Variants in ELN observed in about 807,000 individuals in gnomAD.
The protein encoded by ELN is tropoelastin.
A neutral mutation model predicts 105.8 loss-of-function variants in ELN; 65 were observed. That is an observed-to-expected ratio of 0.61 (90% confidence interval 0.50 to 0.75). The LOEUF is 0.75. Ranked by LOEUF, ELN falls within the 30% of genes least tolerant of loss-of-function variation. ELN has a pLI of 0.00. For synonymous variants in ELN, 368 were observed against 389.2 expected (o/e 0.95, Z 0.64); for missense variants, 882 against 969.4 (o/e 0.91, Z 1.20).
In ELN at chr7:74,028,179, C is replaced by CT. The variant is rs1563737125; in HGVS notation, c.-8dup. 6.2e-7 allele frequency: 1 copy of CT among 1,604,562 alleles called. No homozygotes were observed. The highest frequency in any genetic ancestry group is 1.3e-5 in the African/African-American group (1 of 74,408). ...GTGCGGAGAGCGGGCTGGGGCATTT[C>CT]TCCCCGAGATGGCGGGTCTGACGGC... On this transcript the variant is annotated 5_prime_UTR_variant, in exon 1 of 33. Transcript: ENST00000252034.
chr7:74,029,415 G>C (rs552153030), intron 1 of ELN, among the ~76,000 whole-genome samples: 2 of 152,158 alleles, frequency 1.3e-5, no homozygotes, highest in African/African-American at 4.8e-5. Flanking sequence ...CGCGGCCAAC[G>C]GGGGAGGACA....
At chr7:74,067,594 C>A (rs184014645) in intron 32 of ELN, among the ~76,000 whole-genome samples, 1 of 151,532 alleles carries the variant, frequency 6.6e-6, no homozygotes, top group Non-Finnish European at 1.5e-5. Flanking sequence ...AAAAATTAGC[C>A]GGGCATGGTG....
At chr7:74,056,476 A>T (rs782811113) in intron 20 of ELN, 41 bp downstream of exon 20, 4 of 1,611,688 alleles carry the variant, frequency 2.5e-6, no homozygotes, top group Middle Eastern at 3.3e-4. Flanking sequence ...TTGAGAAGGG[A>T]TGGGGGCTTC....
rs1791092300 is a variant in ELN, at chr7:74,041,086, C to T, written c.197-130C>T. ...CTATTTTATCAGGATCGACCCTGAG[C>T]ATCACAGGCTTAGGGACCAGCCTAG... On this transcript the variant is annotated intron_variant, in intron 4 of 32. Transcript: ENST00000252034. 5.3e-6 allele frequency: 6 copies of T among 1,142,716 alleles called. No individual in the cohort carries two copies. In the South Asian group the frequency reaches 7.4e-5, roughly 14 times the overall value. The allele number at this position is 1,142,716 out of a possible 1,614,324, so 70.8% of individuals were successfully genotyped here. A position where few individuals can be genotyped will look rare whatever the true frequency, so the allele number is the denominator to read the frequency against.
Position 74,063,265 on chromosome 7 carries a change from C to A in ELN, c.1858+41C>A, listed in dbSNP as rs782274948. 6.3e-7 allele frequency: 1 copy of A among 1,586,718 alleles called. No individual in the cohort carries two copies. The highest frequency in any genetic ancestry group is 1.2e-5 in the South Asian group (1 of 86,662). On this transcript the variant is annotated intron_variant, in intron 27 of 32. Coordinates refer to ENST00000252034, the MANE Select transcript of ELN (RefSeq NM_000501.4). This position sits in a 1 kb window ranked among gnomAD's most constrained non-coding sequence, Gnocchi z 4.1. ...AGGAGGGGCAGGGTGGGGAGGGAAT[C>A]TAACCAGTACAGAGTGCCTCCCTGA...
Position 74,054,749 on chromosome 7 carries a change from C to T in ELN, c.1130C>T (p.Ala377Val). Reference protein sequence around the residue: ...VVSPEAAAKAAAKAAKYGARP... With the variant: ...VVSPEAAAKAVAKAAKYGARP... ...TCACCAGAAGCAGCTGCTAAGGCAG[C>T]TGCAAAGGCAGCCAAATACGGTGAG... The change falls in exon 19 of 33, where the codon GCT (alanine) becomes GTT (valine). Residue 377 changes from alanine to valine, a missense_variant. Physicochemically the swap from Ala to Val is moderately conservative, Grantham distance 64 (BLOSUM62 0). Transcript: ENST00000252034. 6.2e-7 allele frequency: 1 copy of T among 1,614,198 alleles called. No homozygotes were observed. The highest frequency in any genetic ancestry group is 8.5e-7 in the Non-Finnish European group (1 of 1,180,038).
Position 74,051,927 on chromosome 7 carries a change from T to C in ELN, c.893T>C (p.Val298Ala), listed in dbSNP as rs782205353. 3 of 1,613,872 alleles carry C rather than the reference T, an allele frequency of 1.9e-6. No homozygotes were observed. The highest frequency in any genetic ancestry group is 2.2e-5 in the East Asian group (1 of 44,854). The part of the protein sequence containing the change: ...AIPGIGGIAG[V>A]GTPAAAAAAA... ...CCCTCTGTGGCTGTGTTTTCAGGCG[T>C]TGGGACTCCAGCTGCAGCTGCAGCT... The change falls in exon 17 of 33, where the codon GTT (valine) becomes GCT (alanine). Residue 298 changes from valine to alanine, a missense_variant. Coordinates refer to ENST00000252034, the MANE Select transcript of ELN (RefSeq NM_000501.4).
intron 8 of ELN, 90 bp from the exon 9 acceptor site, chr7:74,043,789 G>T: frequency 6.5e-7 from 1 of 1,545,426 alleles, no homozygotes. Flanking sequence ...GTGGGTTTGA[G>T]GGCCTTGGAG....
At chr7:74,059,808 G>A (rs1035493130) in intron 22 of ELN, 78 bp from the exon 23 acceptor site, 1 of 828,232 alleles carries the variant, frequency 1.2e-6, no homozygotes, top group Admixed American at 1.7e-5. Context: ...CAGGGCCGAG[G>A]CTCCAGCCCT....
chr7:74,037,377 A>T (rs1554666364), intron 3 of ELN, among the ~76,000 whole-genome samples: 1 of 151,560 alleles, frequency 6.6e-6, no homozygotes, highest in East Asian at 1.9e-4. Flanking sequence ...TATTTTTAGT[A>T]GAGACAGGGT....
At position 74,068,748 on chromosome 7, in the gene ELN, G is replaced by A. The variant is rs782169905; in HGVS notation, c.*48G>A. 105 of 1,606,874 alleles carry A rather than the reference G, an allele frequency of 6.5e-5. No individual in the cohort carries two copies. The highest frequency in any genetic ancestry group is 8.1e-5 in the Non-Finnish European group (95 of 1,173,700). On this transcript the variant is annotated 3_prime_UTR_variant, in exon 33 of 33. Coordinates refer to ENST00000252034, the MANE Select transcript of ELN (RefSeq NM_000501.4). ...CGACCTCATCAACGTTGGTGCTACTGCTTGGTGGAGAATGTAAACCCTTTG... is the reference window on the plus strand; with the variant it reads ...CGACCTCATCAACGTTGGTGCTACTACTTGGTGGAGAATGTAAACCCTTTG...
In ELN at chr7:74,053,301, C is replaced by A. The variant is rs571843793; in HGVS notation, c.1088C>A (p.Ala363Glu). ...CCAGGTGCTGGGATCCCAGGTGCTG[C>A]GGTTCCAGGTGAGCTGGGCTGTGTG... Reference protein sequence around the residue: ...VVPGAGIPGAAVPGVVSPEAA... With the variant: ...VVPGAGIPGAEVPGVVSPEAA... Residue 363 changes from alanine (A) to glutamate (E), a missense_variant, in exon 18 of 33, where the codon GCG becomes GAG. Coordinates refer to ENST00000252034, the MANE Select transcript of ELN (RefSeq NM_000501.4). The A allele has an allele frequency of 1.9e-6, 3 of 1,610,356 alleles. No individual in the cohort carries two copies. Among genetic ancestry groups the A allele is most frequent in the Admixed American group, 1.7e-5 (1 of 59,632 alleles).
At chr7:74,034,601 A>G (rs1297436015) in intron 1 of ELN, among the ~76,000 whole-genome samples, 5 of 152,214 alleles carry the variant, frequency 3.3e-5, no homozygotes, top group Non-Finnish European at 5.9e-5. Context: ...GCTACTTGGG[A>G]GACTGAGGCA....
At chr7:74,039,974 C>T (rs782798991) in intron 4 of ELN, among the ~76,000 whole-genome samples, 3 of 152,200 alleles carry the variant, frequency 2.0e-5, no homozygotes, top group Admixed American at 6.5e-5. Context: ...TGGTCAGCCC[C>T]TCCCCGCTTT....
chr7:74,029,116 A>G (rs1402800590), intron 1 of ELN, among the ~76,000 whole-genome samples: 1 of 152,168 alleles, frequency 6.6e-6, no homozygotes, highest in African/African-American at 2.4e-5. Context: ...ACATGTAGAC[A>G]TGTACACATG....
intron 21 of ELN, among the ~76,000 whole-genome samples, chr7:74,057,157 G>A (rs1312127300): frequency 6.6e-6 from 1 of 152,104 alleles, no homozygotes; most frequent in African/African-American, 2.4e-5. Flanking sequence ...AGAATGGCTT[G>A]AACCCGGGAG....
chr7:74,060,674 G>T lies in ELN; in HGVS notation c.1747+173G>T, dbSNP rs569928088. The stretch of plus-strand genomic sequence containing the variant: ...AGATAGCGGGAGGAGGGCAGACCAG[G>T]CCAAGGGACCCCAGGCTGCCCAATT... On this transcript the variant is annotated intron_variant, in intron 25 of 32. Coordinates refer to ENST00000252034, the MANE Select transcript of ELN (RefSeq NM_000501.4). The T allele has an allele frequency of 8.5e-6, 13 of 1,522,700 alleles. No homozygotes were observed. The South Asian group carries it at 1.5e-4, about 17-fold the overall frequency. The allele number at this position is 1,522,700 out of a possible 1,614,324, so 94.3% of individuals were successfully genotyped here.
intron 9 of ELN, among the ~76,000 whole-genome samples, chr7:74,044,770 G>A (rs1340218311): frequency 1.3e-5 from 2 of 152,246 alleles, no homozygotes; most frequent in African/African-American, 4.8e-5. Flanking sequence ...CCCCAGGGGA[G>A]ACAGGAGAGG....
At chr7:74,056,461 A>G in intron 20 of ELN, 26 bp downstream of exon 20, 1 of 1,612,826 alleles carries the variant, frequency 6.2e-7, no homozygotes. Context: ...ACCTGGGGAC[A>G]TGGGTTGAGA....
Sources: gnomAD v4.1 joint callset for allele counts (sites outside exome capture counted in the v4.1 genomes callset) on GRCh38, gnomAD v4.1.1 for gene constraint, Gnocchi (gnomAD v3.1) non-coding constraint, MANE v1.5 for transcripts, NCBI Gene and HGNC (gene_info 2026-07-23, HGNC 2026-07-21) for gene names.